SERGEF: variants seen among roughly 807,000 people sequenced by gnomAD.
The protein encoded by SERGEF is secretion-regulating guanine nucleotide exchange factor.
In SERGEF, 51 loss-of-function variants were observed where a neutral mutation model predicts 50.0. That is an observed-to-expected ratio of 1.02 (90% CI 0.81 to 1.29). The LOEUF (loss-of-function observed/expected upper bound fraction) is 1.29. Among genes scored for constraint, SERGEF ranks in the 50% most tolerant of loss-of-function variants. SERGEF has a pLI of 0.00. For synonymous variants in SERGEF, 205 were observed against 212.4 expected, an observed-to-expected ratio of 0.97 and a Z score of 0.30; for missense variants, 521 against 557.0, an observed-to-expected ratio of 0.94 and a Z score of 0.65.
At chr11:17,898,552 C>G (rs1851688195) in intron 9 of SERGEF, among the ~76,000 whole-genome samples, 1 of 152,176 alleles carries the variant, frequency 6.6e-6, no homozygotes, top group South Asian at 2.1e-4. Flanking sequence ...CATGATGGTT[C>G]ACTTGCCCCC....
intron 10 of SERGEF, among the ~76,000 whole-genome samples, chr11:17,800,344 T>G (rs1177036520): frequency 1.3e-5 from 2 of 152,304 alleles, no homozygotes; most frequent in East Asian, 1.9e-4. Flanking sequence ...GATCTTGGTG[T>G]TGTACATTAT....
chr11:17,972,277 C>T (rs1227167105), intron 8 of SERGEF, among the ~76,000 whole-genome samples: 1 of 152,194 alleles, frequency 6.6e-6, no homozygotes, highest in African/African-American at 2.4e-5. Flanking sequence ...TATCAAACAG[C>T]ATTGCATGCT....
At chr11:17,930,116 T>C (rs1310199258) in intron 9 of SERGEF, among the ~76,000 whole-genome samples, 1 of 152,202 alleles carries the variant, frequency 6.6e-6, no homozygotes, top group Non-Finnish European at 1.5e-5. Context: ...ATTAGCTAGG[T>C]TACCTTAAGC....
chr11:17,919,413 G>C (rs942558195), intron 9 of SERGEF, among the ~76,000 whole-genome samples: 3 of 152,106 alleles, frequency 2.0e-5, no homozygotes, highest in African/African-American at 4.8e-5. Flanking sequence ...TAGGTTAAGG[G>C]TAATGGGAAT....
intron 9 of SERGEF, among the ~76,000 whole-genome samples, chr11:17,886,688 T>C (rs1447498502): frequency 1.3e-5 from 2 of 152,210 alleles, no homozygotes; most frequent in South Asian, 4.1e-4. Context: ...CAATAGTTTA[T>C]TGACAGATAA....
chr11:17,903,451 A>G (rs1310161013), intron 9 of SERGEF, among the ~76,000 whole-genome samples: 1 of 152,224 alleles, frequency 6.6e-6, no homozygotes, highest in South Asian at 2.1e-4. Context: ...AGAAATGACA[A>G]GAAAGAAGAT....
At chr11:17,914,013 T>C (rs1183156628) in intron 9 of SERGEF, among the ~76,000 whole-genome samples, 1 of 152,238 alleles carries the variant, frequency 6.6e-6, no homozygotes, top group East Asian at 1.9e-4. Flanking sequence ...CCAAATCCTA[T>C]AGCCTGGCAT....
At chr11:17,996,101 G>A (rs1853832565) in intron 5 of SERGEF, among the ~76,000 whole-genome samples, 192 bp from the exon 6 acceptor site, 1 of 152,154 alleles carries the variant, frequency 6.6e-6, no homozygotes, top group African/African-American at 2.4e-5. Flanking sequence ...CACAAATCCA[G>A]TCTTCAGGAC....
intron 10 of SERGEF, among the ~76,000 whole-genome samples, chr11:17,868,338 C>T (rs1355583901): frequency 6.6e-6 from 1 of 152,208 alleles, no homozygotes; most frequent in East Asian, 1.9e-4. Context: ...AGGCAAAATG[C>T]CACCAGTCTC....
chr11:17,927,494 G>C (rs1001310851), intron 9 of SERGEF, among the ~76,000 whole-genome samples: 1 of 152,204 alleles, frequency 6.6e-6, no homozygotes, highest in African/African-American at 2.4e-5. Flanking sequence ...CAGAGGAAAA[G>C]CACACATACA....
At chr11:17,815,719 C>G (rs747955666) in intron 10 of SERGEF, among the ~76,000 whole-genome samples, 5 of 151,616 alleles carry the variant, frequency 3.3e-5, no homozygotes, top group African/African-American at 4.9e-5. Context: ...GTCAAGAGAT[C>G]GAGACCATCC....
chr11:17,955,950 C>T (rs1852860403), intron 9 of SERGEF, among the ~76,000 whole-genome samples: 2 of 152,192 alleles, frequency 1.3e-5, no homozygotes, highest in African/African-American at 4.8e-5. Flanking sequence ...CTGGGGTATA[C>T]ATGTGCAGTC....
intron 10 of SERGEF, among the ~76,000 whole-genome samples, chr11:17,853,076 T>C (rs562240275): frequency 6.6e-6 from 1 of 152,278 alleles, no homozygotes; most frequent in East Asian, 1.9e-4. Context: ...ACCTTAGATA[T>C]ATACTACTAC....
intron 9 of SERGEF, among the ~76,000 whole-genome samples, chr11:17,958,435 T>C (rs1219898517): frequency 2.6e-5 from 4 of 152,140 alleles, no homozygotes; most frequent in African/African-American, 9.7e-5. Flanking sequence ...AGGGTAACAG[T>C]AAAGTAAAAT....
chr11:17,955,616 A>G (rs1187471124), intron 9 of SERGEF, among the ~76,000 whole-genome samples: 2 of 152,234 alleles, frequency 1.3e-5, no homozygotes, highest in Non-Finnish European at 2.9e-5. Flanking sequence ...GCTGAACTGC[A>G]AGTTCTGGGA....
chr11:17,976,740 G>A (rs1853383710), intron 8 of SERGEF, among the ~76,000 whole-genome samples: 1 of 152,110 alleles, frequency 6.6e-6, no homozygotes. Flanking sequence ...GAGAGCTCCT[G>A]GAACAAATCA....
chr11:17,998,676 A>C (rs1253917453), intron 5 of SERGEF, among the ~76,000 whole-genome samples: 1 of 151,448 alleles, frequency 6.6e-6, no homozygotes, highest in Non-Finnish European at 1.5e-5. Flanking sequence ...GGAATGCAAT[A>C]AAAGTTAAAG....
chr11:17,940,976 A>T (rs527932521), intron 9 of SERGEF, among the ~76,000 whole-genome samples: 6 of 152,188 alleles, frequency 3.9e-5, no homozygotes, highest in Admixed American at 3.9e-4. Flanking sequence ...AAACACACAG[A>T]AAAGCTTAAA....
intron 9 of SERGEF, among the ~76,000 whole-genome samples, chr11:17,920,310 C>T (rs1417496551): frequency 5.3e-5 from 8 of 152,096 alleles, no homozygotes; most frequent in Non-Finnish European, 7.4e-5. Flanking sequence ...AATCCCTTAC[C>T]CTGCTCTCAC....
Sources: gnomAD v4.1 joint callset for allele counts (sites outside exome capture counted in the v4.1 genomes callset) on GRCh38, gnomAD v4.1.1 for gene constraint, MANE v1.5 for transcripts, NCBI Gene and HGNC (gene_info 2026-07-23, HGNC 2026-07-21) for gene names.